The following PTK2 variants were observed in gnomAD, a reference collection of about 807,000 sequenced individuals.
PTK2 encodes protein tyrosine kinase 2, also known as focal adhesion kinase 1.
In PTK2, 45 loss-of-function variants were observed where a neutral mutation model predicts 150.1. The observed-to-expected ratio is 0.30, with a 90% CI of 0.24 to 0.38. The LOEUF (loss-of-function observed/expected upper bound fraction) is 0.38, where lower values mean the gene tolerates loss of function less well. Among genes scored for constraint, PTK2 ranks in the 10% least tolerant of loss-of-function variants. The pLI, the probability that PTK2 is intolerant of heterozygous loss-of-function variation, is 1.00. For synonymous variants in PTK2, 432 were observed against 449.2 expected (o/e 0.96, Z 0.48); for missense variants, 919 against 1,307.3 (o/e 0.70, Z 4.58).
chr8:140,659,768 T>C, intron 31 of PTK2, 90 bp from the exon 36 acceptor site: 1 of 1,224,682 alleles, frequency 8.2e-7, no homozygotes. Flanking sequence ...TTGTCCAAGC[T>C]TGCCTCAAAC....
chr8:140,686,199 G>A (rs541980256), intron 27 of PTK2, among the ~76,000 whole-genome samples: 6 of 152,164 alleles, frequency 3.9e-5, no homozygotes, highest in African/African-American at 9.6e-5. Flanking sequence ...CAGTACACAC[G>A]GACACAATGA....
At chr8:140,920,735 C>A in intron 2 of PTK2, 2 of 1,242,056 alleles carry the variant, frequency 1.6e-6, no homozygotes, top group South Asian at 2.1e-5. Context: ...GAAATAAATT[C>A]TGAAAAACAT....
chr8:140,797,088 C>T (rs1039161003), intron 12 of PTK2, among the ~76,000 whole-genome samples: 2 of 152,074 alleles, frequency 1.3e-5, no homozygotes, highest in East Asian at 3.9e-4. Flanking sequence ...GCAGAGTACT[C>T]CTAAACTGTC....
chr8:140,832,915 G>A (rs1277846109), intron 7 of PTK2: 4 of 518,854 alleles, frequency 7.7e-6, no homozygotes, highest in Non-Finnish European at 1.5e-5. Context: ...TTGGGTGAGG[G>A]AAAGACCAGG....
At chr8:140,993,815 G>A (rs780393835) in intron 1 of PTK2, among the ~76,000 whole-genome samples, 4 of 151,808 alleles carry the variant, frequency 2.6e-5, no homozygotes, top group Non-Finnish European at 5.9e-5. Flanking sequence ...CTGCAGCCTC[G>A]ACCTCCCAGA....
chr8:140,789,668 T>A, intron 13 of PTK2, 142 bp from the exon 14 acceptor site: 1 of 693,636 alleles, frequency 1.4e-6, no homozygotes, highest in Non-Finnish European at 2.5e-6. Context: ...ATTCTACTAT[T>A]AAAATAGCCA....
intron 20 of PTK2, among the ~76,000 whole-genome samples, chr8:140,742,793 A>G (rs2154448939): frequency 6.6e-6 from 1 of 152,172 alleles, no homozygotes; most frequent in East Asian, 1.9e-4. Context: ...CGAATCTTCT[A>G]CTCTGTAGCT....
intron 3 of PTK2, among the ~76,000 whole-genome samples, chr8:140,885,398 A>G (rs11167006): frequency 0.42 from 63,301 of 152,098 alleles, 15,129 homozygotes; most frequent in Non-Finnish European, 0.55. Flanking sequence ...TGTTAAAGAC[A>G]TTGGCAATAA....
chr8:140,809,379 T>C (rs952915664), intron 10 of PTK2, among the ~76,000 whole-genome samples: 8 of 152,222 alleles, frequency 5.3e-5, no homozygotes, highest in African/African-American at 1.9e-4. Context: ...AACAGGAATA[T>C]AGAGACAAAG....
intron 3 of PTK2, 39 bp from the exon 4 acceptor site, chr8:140,879,676 G>GAAAAAAAAAAAAAAAAAAAAAAAAAAAAA: frequency 8.7e-5 from 3 of 34,584 alleles, no homozygotes; most frequent in Non-Finnish European, 1.3e-4. Flanking sequence ...GTTATAAACT[G>GAAAAAAAAAAAAAAAAAAAAAAAAAAAAA]AAAAAAAAAA....
intron 1 of PTK2, chr8:140,948,781 C>T (rs957190771): frequency 2.0e-5 from 3 of 152,098 alleles, no homozygotes; most frequent in Non-Finnish European, 4.4e-5. Context: ...TGTACTGATG[C>T]TTTTCTTGTC....
intron 22 of PTK2, among the ~76,000 whole-genome samples, chr8:140,719,883 T>G: frequency 1.4e-5 from 1 of 71,154 alleles, no homozygotes; most frequent in Admixed American, 2.0e-4. Context: ...GAGACTTGTC[T>G]CACCAAAAAA....
At chr8:140,713,940 G>C (rs1437689448) in intron 23 of PTK2, among the ~76,000 whole-genome samples, 2 of 152,108 alleles carry the variant, frequency 1.3e-5, no homozygotes, top group African/African-American at 4.8e-5. Flanking sequence ...AGGCTGGAAT[G>C]CAAAGGTGCA....
chr8:140,663,570 G>A (rs2084218919), intron 31 of PTK2, among the ~76,000 whole-genome samples: 1 of 152,222 alleles, frequency 6.6e-6, no homozygotes, highest in Admixed American at 6.5e-5. Flanking sequence ...ACAAATGCAG[G>A]TGCTTCCTTT....
At chr8:140,742,477 C>T (rs891128735) in intron 20 of PTK2, among the ~76,000 whole-genome samples, 3 of 152,196 alleles carry the variant, frequency 2.0e-5, no homozygotes, top group Non-Finnish European at 4.4e-5. Flanking sequence ...AATGCCTCTA[C>T]CATTTTACAT....
chr8:140,896,995 T>C (rs2100156579), intron 2 of PTK2, among the ~76,000 whole-genome samples: 1 of 152,248 alleles, frequency 6.6e-6, no homozygotes. Context: ...TCATTTTAGC[T>C]AACTCTTTTG....
chr8:140,704,059 T>C (rs1275968453), intron 24 of PTK2, among the ~76,000 whole-genome samples: 1 of 152,200 alleles, frequency 6.6e-6, no homozygotes, highest in East Asian at 1.9e-4. Context: ...CACAGTTTAT[T>C]TGAATGAAAA....
At chr8:140,910,082 A>T (rs2100162508) in intron 2 of PTK2, among the ~76,000 whole-genome samples, 1 of 152,206 alleles carries the variant, frequency 6.6e-6, no homozygotes, top group South Asian at 2.1e-4. Context: ...TTAAAATAAG[A>T]ATATACAATA....
At chr8:140,926,281 T>A (rs1190692816) in intron 1 of PTK2, among the ~76,000 whole-genome samples, 1 of 152,188 alleles carries the variant, frequency 6.6e-6, no homozygotes, top group Non-Finnish European at 1.5e-5. Flanking sequence ...TTAAGTAACA[T>A]ATCTAATATT....
Sources: allele counts gnomAD v4.1 joint callset (sites outside exome capture counted in the v4.1 genomes callset), GRCh38; gene constraint gnomAD v4.1.1; transcripts MANE v1.5; gene names NCBI Gene and HGNC (gene_info 2026-07-23, HGNC 2026-07-21).